The following ARL13B variants were observed in gnomAD, a reference collection of about 807,000 sequenced individuals.
The protein encoded by ARL13B is ADP-ribosylation factor-like protein 13B.
ARL13B carries 36 observed loss-of-function variants against 56.1 expected under a neutral mutation model. The observed-to-expected ratio is 0.64, with a 90% CI of 0.49 to 0.85. The LOEUF (loss-of-function observed/expected upper bound fraction) is 0.85, where lower values mean the gene tolerates loss of function less well. Among genes scored for constraint, ARL13B ranks in the 40% least tolerant of loss-of-function variants. The pLI, the probability that ARL13B is intolerant of heterozygous loss-of-function variation, is 0.00. For synonymous variants in ARL13B, 178 were observed against 171.1 expected (o/e 1.04, Z -0.32); for missense variants, 519 against 507.1 (o/e 1.02, Z -0.23).
At chr3:93,995,362 A>T (rs2075948572) in intron 1 of ARL13B, among the ~76,000 whole-genome samples, 1 of 152,054 alleles carries the variant, frequency 6.6e-6, no homozygotes, top group Admixed American at 6.5e-5. Flanking sequence ...TATCATGAGA[A>T]ATATTTTAAA....
At chr3:94,034,075 TATTGAGTAA>T (rs1476726954) in intron 3 of ARL13B, among the ~76,000 whole-genome samples, 2 of 152,142 alleles carry the variant, frequency 1.3e-5, no homozygotes, top group Non-Finnish European at 2.9e-5. Flanking sequence ...TATTGGAGAA[TATTGAGTAA>T]ATTGAGTAAT....
chr3:93,994,549 GTTTC>G (rs1221337467), intron 1 of ARL13B, among the ~76,000 whole-genome samples: 2 of 152,100 alleles, frequency 1.3e-5, no homozygotes, highest in Non-Finnish European at 2.9e-5. Context: ...ATAAGGAAGA[GTTTC>G]TTTATCTGTT....
intron 1 of ARL13B, chr3:93,988,772 T>C (rs1710589610): frequency 7.0e-6 from 3 of 426,112 alleles, no homozygotes; most frequent in Non-Finnish European, 1.4e-5. Flanking sequence ...GCTCCCCTTT[T>C]CCCATTTGTT....
At chr3:94,035,073 T>C (rs1463326830) in intron 3 of ARL13B, among the ~76,000 whole-genome samples, 2 of 151,968 alleles carry the variant, frequency 1.3e-5, no homozygotes, top group East Asian at 3.9e-4. Flanking sequence ...CAGTCTCTAC[T>C]GAAAATACAA....
chr3:94,032,110 G>A (rs2076686721), intron 3 of ARL13B, among the ~76,000 whole-genome samples: 1 of 152,152 alleles, frequency 6.6e-6, no homozygotes, highest in South Asian at 2.1e-4. Flanking sequence ...AGCAAAAGAA[G>A]TAATCAATGG....
intron 3 of ARL13B, among the ~76,000 whole-genome samples, chr3:94,025,566 G>T (rs1261053899): frequency 6.6e-6 from 1 of 152,164 alleles, no homozygotes; most frequent in East Asian, 1.9e-4. Context: ...TTAAATGTGG[G>T]CAAGTGTATT....
At position 93,997,311 on chromosome 3, in the gene ARL13B, G is replaced by T. The variant is rs57298269; in HGVS notation, c.130+1367G>T. Among the ~76,000 whole-genome samples, 812 of 152,148 alleles carry T rather than the reference G, an allele frequency of 5.3e-3. 6 individuals carry two copies. Among genetic ancestry groups the T allele is most frequent in the African/African-American group, 0.014 (581 of 41,490 alleles). Reference sequence around the variant, plus strand: ...GCTGCTGATCTAAAGGGTAAGAATTGGGAGAAATGCATAACATGTATTTGT... The same window carrying T: ...GCTGCTGATCTAAAGGGTAAGAATTTGGAGAAATGCATAACATGTATTTGT... On this transcript the variant is annotated intron_variant, in intron 2 of 9. Transcript: ENST00000394222.
chr3:94,036,234 A>G (rs1364958629), intron 4 of ARL13B, among the ~76,000 whole-genome samples: 2 of 152,118 alleles, frequency 1.3e-5, no homozygotes, highest in Admixed American at 1.3e-4. Flanking sequence ...AGGAATTAAA[A>G]CTTCCTGGCA....
chr3:93,992,211 G>A (rs1404507718), intron 1 of ARL13B, among the ~76,000 whole-genome samples: 2 of 152,056 alleles, frequency 1.3e-5, no homozygotes, highest in Non-Finnish European at 1.5e-5. Context: ...ATCTTGACAA[G>A]AATGGAGAAA....
chr3:94,048,336 GA>G (rs915119874), intron 7 of ARL13B, among the ~76,000 whole-genome samples: 3 of 151,628 alleles, frequency 2.0e-5, no homozygotes, highest in Non-Finnish European at 4.4e-5. Context: ...AGAGAGTGAG[GA>G]AAAAAAATTG....
At chr3:94,022,682 G>T (rs1178822026) in intron 3 of ARL13B, among the ~76,000 whole-genome samples, 7 of 151,892 alleles carry the variant, frequency 4.6e-5, no homozygotes, top group African/African-American at 1.2e-4. Context: ...TCAATGGATA[G>T]AGATAGAAAA....
intron 3 of ARL13B, chr3:94,014,758 T>C: frequency 6.2e-7 from 1 of 1,613,604 alleles, no homozygotes; most frequent in Non-Finnish European, 8.5e-7. Context: ...TCCAGCAACT[T>C]CAAGCTGACG....
chr3:94,033,176 A>G (rs2076706839), intron 3 of ARL13B, among the ~76,000 whole-genome samples: 1 of 152,238 alleles, frequency 6.6e-6, no homozygotes, highest in Non-Finnish European at 1.5e-5. Context: ...GTACACATTG[A>G]CATGGAGTGT....
At chr3:94,006,518 C>T (rs375229495) in intron 3 of ARL13B, among the ~76,000 whole-genome samples, 3 of 152,194 alleles carry the variant, frequency 2.0e-5, no homozygotes, top group Admixed American at 6.5e-5. Flanking sequence ...TTCCTCTTCT[C>T]TAATCACCTG....
rs143806513 is a variant in ARL13B at position 94,011,135 on chromosome 3, G to C, written c.380+7227G>C. Among the ~76,000 whole-genome samples, 65 of 152,046 alleles carry C rather than the reference G, an allele frequency of 4.3e-4. 1 individual carries two copies. Among genetic ancestry groups the C allele is most frequent in the African/African-American group, 1.4e-3 (59 of 41,502 alleles). On this transcript the variant is annotated intron_variant, in intron 3 of 9. Coordinates refer to ENST00000394222, the MANE Select transcript of ARL13B (RefSeq NM_001174150.2). Reference sequence around the variant, plus strand: ...TATTTTATAAATTAAAAATTATTTTGTATTGTTTATGAAATACATATTTTA... The same window carrying C: ...TATTTTATAAATTAAAAATTATTTTCTATTGTTTATGAAATACATATTTTA...
At chr3:94,029,313 TATATATATATATATATATATATTTA>T in intron 3 of ARL13B, among the ~76,000 whole-genome samples, 1 of 97,018 alleles carries the variant, frequency 1.0e-5, no homozygotes, top group Non-Finnish European at 2.0e-5. Flanking sequence ...TATATATATA[TATATATATATATATATATATATTTA>T]TTTTTTTTTT....
chr3:94,006,579 C>G (rs1315295035), intron 3 of ARL13B, among the ~76,000 whole-genome samples: 1 of 152,100 alleles, frequency 6.6e-6, no homozygotes, highest in Admixed American at 6.5e-5. Context: ...CCAGTCTTGC[C>G]TGCCCCCCAA....
chr3:94,047,105 T>C (rs759278313), intron 7 of ARL13B, among the ~76,000 whole-genome samples: 4 of 152,198 alleles, frequency 2.6e-5, no homozygotes, highest in Non-Finnish European at 5.9e-5. Context: ...CTACTCCTAG[T>C]AGTGTCAGCC....
At chr3:94,014,345 CTT>C in intron 3 of ARL13B, 1 of 1,478,530 alleles carries the variant, frequency 6.8e-7, no homozygotes, top group Non-Finnish European at 9.0e-7. Context: ...TATAAGCTAT[CTT>C]TTACCGTAAA....
Sources: allele counts gnomAD v4.1 joint callset (sites outside exome capture counted in the v4.1 genomes callset), GRCh38; gene constraint gnomAD v4.1.1; transcripts MANE v1.5; gene names NCBI Gene and HGNC (gene_info 2026-07-23, HGNC 2026-07-21).